The following FGGY variants were observed in gnomAD, a reference collection of about 807,000 sequenced individuals.
FGGY encodes FGGY carbohydrate kinase domain-containing protein.
A neutral mutation model predicts 71.3 loss-of-function variants in FGGY; 72 were observed. The ratio of observed to expected loss-of-function variants is 1.01; its 90% CI spans 0.84 to 1.23. FGGY has a LOEUF of 1.23. FGGY is among the 50% of genes most tolerant of loss of function. The pLI, the probability that FGGY is intolerant of heterozygous loss-of-function variation, is 0.00. For missense variants in FGGY, 668 were observed against 682.3 expected (o/e 0.98, Z 0.23); for synonymous variants, 251 against 250.3 (o/e 1.00, Z -0.02).
chr1:59,300,361 T>C (rs1391361435), intron 1 of FGGY, among the ~76,000 whole-genome samples: 1 of 152,228 alleles, frequency 6.6e-6, no homozygotes, highest in Non-Finnish European at 1.5e-5. Flanking sequence ...TTATTGAGCT[T>C]TGAGAATTCT....
intron 7 of FGGY, among the ~76,000 whole-genome samples, chr1:59,528,180 G>C (rs1217618225): frequency 2.6e-5 from 4 of 152,220 alleles, no homozygotes; most frequent in African/African-American, 9.6e-5. Flanking sequence ...AAAGAGCAAA[G>C]TTGAATCCAG....
chr1:59,479,679 C>G (rs61196030), intron 6 of FGGY, among the ~76,000 whole-genome samples: 8,999 of 152,122 alleles, frequency 0.059, 331 homozygotes, highest in East Asian at 0.13. Context: ...GAGTCAGAAT[C>G]TGTAAAAAAT....
intron 7 of FGGY, among the ~76,000 whole-genome samples, chr1:59,534,078 T>C (rs886708914): frequency 6.6e-6 from 1 of 152,034 alleles, no homozygotes; most frequent in Non-Finnish European, 1.5e-5. Context: ...AGTTGAAAAC[T>C]TTGAAAAACA....
chr1:59,728,641 G>C (rs72668022), intron 14 of FGGY, among the ~76,000 whole-genome samples: 5,142 of 151,818 alleles, frequency 0.034, 111 homozygotes, highest in East Asian at 0.088. Context: ...TTGAAGGATA[G>C]TTTCATTGGG....
chr1:59,408,264 C>T (rs763195876), intron 5 of FGGY, among the ~76,000 whole-genome samples: 3 of 152,208 alleles, frequency 2.0e-5, no homozygotes, highest in Non-Finnish European at 2.9e-5. Flanking sequence ...TTCTCTCTTT[C>T]TCCTAGGTCT....
At chr1:59,526,612 A>G (rs2094989064) in intron 7 of FGGY, among the ~76,000 whole-genome samples, 1 of 152,236 alleles carries the variant, frequency 6.6e-6, no homozygotes, top group Admixed American at 6.5e-5. Context: ...TAGGAGGTGA[A>G]AACTCCTAGA....
chr1:59,723,570 G>T (rs899109668), intron 14 of FGGY, among the ~76,000 whole-genome samples: 4 of 148,756 alleles, frequency 2.7e-5, no homozygotes, highest in Non-Finnish European at 4.5e-5. Flanking sequence ...TTTTGGGGGG[G>T]GGTGGTTGGG....
In FGGY at chr1:59,715,205, G is replaced by A. The variant is rs1053275212; in HGVS notation, c.1512+41072G>A. ...AAAGCAGAACTAATGTGGGATTTGG[G>A]AAGCTTGCCCTATTTGTGCACTTAA... On this transcript the variant is annotated intron_variant, in intron 14 of 15. Coordinates refer to ENST00000303721, the MANE Select transcript of FGGY (RefSeq NM_018291.5). Among the ~76,000 whole-genome samples the A allele has an allele frequency of 3.9e-5, 6 of 152,262 alleles. No homozygotes were observed. The South Asian group carries it at 6.2e-4, about 16-fold the overall frequency.
intron 4 of FGGY, among the ~76,000 whole-genome samples, chr1:59,366,568 C>T (rs2056629788): frequency 1.3e-5 from 2 of 152,128 alleles, no homozygotes; most frequent in Admixed American, 1.3e-4. Flanking sequence ...ACTCATCAAA[C>T]CTTGGTATCA....
chr1:59,657,530 A>G (rs1239065353), intron 11 of FGGY, among the ~76,000 whole-genome samples: 1 of 152,172 alleles, frequency 6.6e-6, no homozygotes, highest in Non-Finnish European at 1.5e-5. Context: ...AGCATGGTGC[A>G]GGCAGCTCGC....
At chr1:59,609,102 G>T (rs913971520) in intron 9 of FGGY, among the ~76,000 whole-genome samples, 4 of 152,176 alleles carry the variant, frequency 2.6e-5, no homozygotes, top group African/African-American at 9.7e-5. Flanking sequence ...GTAAAGAAGG[G>T]TACAGATAGT....
chr1:59,310,080 A>G (rs1353713190), intron 1 of FGGY: 5 of 151,934 alleles, frequency 3.3e-5, no homozygotes, highest in Non-Finnish European at 5.9e-5. Flanking sequence ...GAGGGGGGAA[A>G]TTTTGCATGA....
intron 14 of FGGY, among the ~76,000 whole-genome samples, chr1:59,752,997 T>C (rs1216585323): frequency 6.6e-6 from 1 of 152,184 alleles, no homozygotes; most frequent in Non-Finnish European, 1.5e-5. Context: ...AAATATTTTG[T>C]TTTTAAAAAG....
chr1:59,353,902 T>A (rs1557647505), intron 4 of FGGY, among the ~76,000 whole-genome samples: 1 of 151,410 alleles, frequency 6.6e-6, no homozygotes, highest in Non-Finnish European at 1.5e-5. Context: ...GAAATTACAG[T>A]CTAGTTAAAG....
Position 59,644,197 on chromosome 1 carries a change from T to G in FGGY, c.1221+5822T>G, listed in dbSNP as rs59363214. On this transcript the variant is annotated intron_variant, in intron 11 of 15. Coordinates refer to ENST00000303721, the MANE Select transcript of FGGY (RefSeq NM_018291.5). ...CTCAGATTTAAAAAAAAATAGCCAC[T>G]CGTGGTTTGACCTGGTTCTAATGCC... Among the ~76,000 whole-genome samples, 539 of 152,232 alleles carry G rather than the reference T, an allele frequency of 3.5e-3. 4 individuals carry two copies. The highest frequency in any genetic ancestry group is 0.012 in the African/African-American group (516 of 41,536).
chr1:59,556,540 G>A (rs1372252035), intron 8 of FGGY, among the ~76,000 whole-genome samples: 6 of 152,172 alleles, frequency 3.9e-5, no homozygotes, highest in Non-Finnish European at 7.3e-5. Flanking sequence ...TCCCTGAATT[G>A]TGCATGAAGA....
At chr1:59,416,877 G>A (rs1429750861) in intron 5 of FGGY, among the ~76,000 whole-genome samples, 3 of 152,150 alleles carry the variant, frequency 2.0e-5, no homozygotes, top group Non-Finnish European at 4.4e-5. Flanking sequence ...CAGGGAAAGT[G>A]GAAAACAAGA....
intron 8 of FGGY, among the ~76,000 whole-genome samples, chr1:59,607,459 A>G (rs1034989011): frequency 6.6e-5 from 10 of 152,212 alleles, no homozygotes; most frequent in African/African-American, 2.2e-4. Context: ...CCACATCTCA[A>G]TGTGAGGAGC....
At chr1:59,550,490 C>T (rs1330947115) in intron 7 of FGGY, among the ~76,000 whole-genome samples, 1 of 151,976 alleles carries the variant, frequency 6.6e-6, no homozygotes, top group Non-Finnish European at 1.5e-5. Context: ...TGTAGAGAAC[C>T]TCTTGAGGGG....
Sources: allele counts gnomAD v4.1 joint callset (sites outside exome capture counted in the v4.1 genomes callset), GRCh38; gene constraint gnomAD v4.1.1; transcripts MANE v1.5; gene names NCBI Gene and HGNC (gene_info 2026-07-23, HGNC 2026-07-21).